Variants in UGT1A9 observed in about 807,000 individuals in gnomAD.
The protein encoded by UGT1A9 is UDP-glucuronosyltransferase 1A9.
A neutral mutation model predicts 45.0 loss-of-function variants in UGT1A9; 35 were observed. That is an observed-to-expected ratio of 0.78 (90% CI 0.59 to 1.03). UGT1A9 has a LOEUF of 1.03. UGT1A9 is among the 50% of genes least tolerant of loss of function. UGT1A9 has a pLI of 0.00. For missense variants in UGT1A9, 687 were observed against 666.6 expected (o/e 1.03, Z -0.34); for synonymous variants, 278 against 250.6 (o/e 1.11, Z -1.03).
At position 233,744,231 on chromosome 2, in the gene UGT1A9, C is replaced by A. The variant is rs577435617; in HGVS notation, c.856-22803C>A. Among the ~76,000 whole-genome samples the A allele has an allele frequency of 9.7e-4, 148 of 151,936 alleles. 3 individuals carry two copies. The highest frequency in any genetic ancestry group is 3.5e-3 in the African/African-American group (144 of 41,218). ...AAAGAGGTTGGGGAAAAGAGAGGGC[C>A]TTGACTTTGGCTGCCTGAAGAACTG... On this transcript the variant is annotated intron_variant, in intron 1 of 4. Transcript: ENST00000354728.
chr2:233,725,626 T>TAGCATATATCTGACATTTAC (rs1183027261), intron 1 of UGT1A9, among the ~76,000 whole-genome samples: 17 of 152,190 alleles, frequency 1.1e-4, no homozygotes, highest in Non-Finnish European at 2.2e-4. Flanking sequence ...CTTCAAAATC[T>TAGCATATATCTGACATTTAC]AGCATATATC....
chr2:233,736,452 G>A (rs1396481734), intron 1 of UGT1A9, among the ~76,000 whole-genome samples: 6 of 152,126 alleles, frequency 3.9e-5, no homozygotes, highest in Non-Finnish European at 7.3e-5. Flanking sequence ...CAATAGGTTC[G>A]AACATGCACT....
chr2:233,741,589 G>C (rs1281207965), intron 1 of UGT1A9: 1 of 151,856 alleles, frequency 6.6e-6, no homozygotes, highest in Non-Finnish European at 1.5e-5. Flanking sequence ...GCACCTCGGA[G>C]CATGTTGATT....
intron 1 of UGT1A9, among the ~76,000 whole-genome samples, chr2:233,737,339 C>T (rs1412051076): frequency 6.6e-6 from 1 of 152,240 alleles, no homozygotes; most frequent in Non-Finnish European, 1.5e-5. Context: ...GAGCAAGGCT[C>T]CGTGGGCATG....
chr2:233,705,447 A>C (rs1211589055), intron 1 of UGT1A9, among the ~76,000 whole-genome samples: 1 of 152,206 alleles, frequency 6.6e-6, no homozygotes, highest in Admixed American at 6.5e-5. Context: ...TCAGAATTGC[A>C]CATATTTTTT....
intron 1 of UGT1A9, chr2:233,692,799 G>T: frequency 7.2e-7 from 1 of 1,392,828 alleles, no homozygotes. Flanking sequence ...AGCTGACACG[G>T]CCATAGTTGG....
At chr2:233,732,233 T>C (rs2078252612) in intron 1 of UGT1A9, among the ~76,000 whole-genome samples, 1 of 152,264 alleles carries the variant, frequency 6.6e-6, no homozygotes, top group South Asian at 2.1e-4. Context: ...TCTCCCATTC[T>C]GTAGGTTGCC....
At position 233,738,264 on chromosome 2, in the gene UGT1A9, G is replaced by A. The variant is rs569089300; in HGVS notation, c.856-28770G>A. 5.9e-5 allele frequency among the ~76,000 whole-genome samples: 9 copies of A among 152,250 alleles called. No individual in the cohort carries two copies. The East Asian group carries it at 1.7e-3, about 29-fold the overall frequency. On this transcript the variant is annotated intron_variant, in intron 1 of 4. Transcript: ENST00000354728. ...CCACATGGAACTGGAGTCAATTAAA[G>A]CTCTTTCCTTTATAAATTACCCAGT...
rs558793196 is a variant in UGT1A9, at chr2:233,687,763, G to A, written c.855+14974G>A. Among the ~76,000 whole-genome samples, 108 of 152,010 alleles carry A rather than the reference G, an allele frequency of 7.1e-4. 1 individual carries two copies. The highest frequency in any genetic ancestry group is 2.3e-3 in the African/African-American group (97 of 41,446). On this transcript the variant is annotated intron_variant, in intron 1 of 4. Transcript: ENST00000354728. ...ACAAAAAATGTTTTAAAAATTAGCT[G>A]GGCCTGGTGGCATATGCCTGTGGTC...
intron 1 of UGT1A9, among the ~76,000 whole-genome samples, chr2:233,704,490 ATTG>A (rs1399641575): frequency 1.3e-5 from 2 of 152,084 alleles, no homozygotes; most frequent in African/African-American, 4.8e-5. Flanking sequence ...TTATGATATT[ATTG>A]TTATACGTGG....
At chr2:233,686,602 G>GTC (rs989920635) in intron 1 of UGT1A9, among the ~76,000 whole-genome samples, 19 of 151,924 alleles carry the variant, frequency 1.3e-4, no homozygotes, top group African/African-American at 3.9e-4. Context: ...TTCTTTGACT[G>GTC]TCTCTCTCTC....
intron 1 of UGT1A9, chr2:233,729,580 G>T (rs1173823141): frequency 2.5e-6 from 4 of 1,613,992 alleles, no homozygotes; most frequent in Non-Finnish European, 3.4e-6. Flanking sequence ...GGTTTTAACA[G>T]ACCCCGTTAA....
intron 1 of UGT1A9, chr2:233,693,564 AC>A: frequency 6.2e-7 from 1 of 1,614,200 alleles, no homozygotes; most frequent in Non-Finnish European, 8.5e-7. Flanking sequence ...AGAAGCCCAG[AC>A]CCTGTGTCCT....
intron 1 of UGT1A9, among the ~76,000 whole-genome samples, chr2:233,711,248 G>C (rs561495182): frequency 6.6e-6 from 1 of 152,206 alleles, no homozygotes; most frequent in Non-Finnish European, 1.5e-5. Context: ...CATCTTCCAA[G>C]ATACATGGGC....
intron 1 of UGT1A9, among the ~76,000 whole-genome samples, chr2:233,735,163 G>C (rs2078615776): frequency 7.0e-6 from 1 of 143,406 alleles, no homozygotes. Context: ...CTCTGTGTAG[G>C]TCTCTAAGAA....
chr2:233,731,462 C>T (rs1354411631), intron 1 of UGT1A9, among the ~76,000 whole-genome samples: 13 of 152,008 alleles, frequency 8.6e-5, no homozygotes, highest in African/African-American at 2.4e-4. Context: ...CAGGCCCTGG[C>T]GTGTGATGTT....
At chr2:233,673,102 C>A (rs2741048) in intron 1 of UGT1A9, among the ~76,000 whole-genome samples, 93,600 of 151,956 alleles carry the variant, frequency 0.62, 29,075 homozygotes, top group South Asian at 0.65. Flanking sequence ...ATTCTATATG[C>A]CCGCCCCAGA....
chr2:233,757,549 T>TATATATATATATATATATATATAC (rs1696618435), intron 1 of UGT1A9, among the ~76,000 whole-genome samples: 1 of 133,970 alleles, frequency 7.5e-6, no homozygotes, highest in East Asian at 2.0e-4. Flanking sequence ...TATATATATA[T>TATATATATATATATATATATATAC]ATATATATAT....
At position 233,693,383 on chromosome 2, in the gene UGT1A9, C is replaced by G. The variant is rs201638322; in HGVS notation, c.855+20594C>G. On this transcript the variant is annotated intron_variant, in intron 1 of 4. Transcript: ENST00000354728. ...TATTGGCCTGTACTTCATCAACTGC[C>G]AGAGCCTCCTGCAGGACAGGGACAC... 12 of 1,614,036 alleles carry G rather than the reference C, an allele frequency of 7.4e-6. No homozygotes were observed. The African/African-American group carries it at 1.2e-4, about 16-fold the overall frequency.
Sources: gnomAD v4.1 joint callset for allele counts (sites outside exome capture counted in the v4.1 genomes callset) on GRCh38, gnomAD v4.1.1 for gene constraint, MANE v1.5 for transcripts, NCBI Gene and HGNC (gene_info 2026-07-23, HGNC 2026-07-21) for gene names.